Variants in ZNF3 observed in about 807,000 individuals in gnomAD.
ZNF3 encodes zinc finger protein 3.
A neutral mutation model predicts 36.9 loss-of-function variants in ZNF3; 16 were observed. That is an observed-to-expected ratio of 0.43 (90% CI 0.29 to 0.66). The LOEUF (loss-of-function observed/expected upper bound fraction) is 0.66. Among genes scored for constraint, ZNF3 ranks in the 30% least tolerant of loss-of-function variants. ZNF3 has a pLI of 0.13. For synonymous variants in ZNF3, 201 were observed against 201.9 expected (o/e 1.00, Z 0.04); for missense variants, 462 against 543.1 (o/e 0.85, Z 1.48).
chr7:100,076,319 G>A (rs1042454679), intron 3 of ZNF3, among the ~76,000 whole-genome samples: 5 of 149,712 alleles, frequency 3.3e-5, no homozygotes, highest in Admixed American at 6.7e-5. Context: ...TTGAGGTGGC[G>A]TCTCACTCTG....
exon 6 of ZNF3, chr7:100,064,109 A>T (rs746719758): frequency 6.2e-7 from 1 of 1,614,064 alleles, no homozygotes; most frequent in Admixed American, 1.7e-5. Context: ...GAGAAACCTT[A>T]CGTGTGCACC....
chr7:100,063,911 G>T, downstream of ZNF3: 1 of 1,614,164 alleles, frequency 6.2e-7, no homozygotes, highest in Non-Finnish European at 8.5e-7. Flanking sequence ...AGCTTAGAGA[G>T]GCAGTGCGTA....
Position 100,075,381 on chromosome 7 carries a change from G to A in ZNF3, c.145-120C>T. On this transcript the variant is annotated intron_variant, in intron 4 of 5. Transcript: ENST00000299667. ...TGGGAAGGGAGGAAGGGAGGACAGGGTGGAGGAAGAGAGACAGGAGTCCAA... is the reference window on the plus strand; with the variant it reads ...TGGGAAGGGAGGAAGGGAGGACAGGATGGAGGAAGAGAGACAGGAGTCCAA... 1.9e-6 allele frequency: 3 copies of A among 1,573,144 alleles called. No individual in the cohort carries two copies. The South Asian group carries it at 3.4e-5, about 18-fold the overall frequency.
chr7:100,068,271 C>T (rs1792745237), downstream of ZNF3, among the ~76,000 whole-genome samples: 1 of 151,974 alleles, frequency 6.6e-6, no homozygotes, highest in African/African-American at 2.4e-5. Context: ...TTAGTAGAGA[C>T]AGAGTTTTAC....
rs562070095 is a variant in ZNF3, at chr7:100,073,939, TGAG to T, written c.271+1193_271+1195del. Among the ~76,000 whole-genome samples, 22 of 151,992 alleles carry T rather than the reference TGAG, an allele frequency of 1.4e-4. 1 individual carries two copies. The South Asian group carries it at 4.6e-3, about 32-fold the overall frequency. On this transcript the variant is annotated intron_variant, in intron 5 of 5. Transcript: ENST00000299667. ...GGGAGGCCGAGGCAGGTGGATCACC[TGAG>T]GTCAGGAGTTCGAGACCAGCCTGAC...
Position 100,075,535 on chromosome 7 carries a change from A to G in ZNF3, c.144+7T>C. ...AAAGGAAAAGGATAAACGGAACCAC[A>G]GCTCACCTGGGACTTGGCCTTTAGG... On this transcript the variant is annotated splice_region_variant and intron_variant, in intron 4 of 5. Transcript: ENST00000299667. The G allele has an allele frequency of 6.2e-7, 1 of 1,614,096 alleles. No individual in the cohort carries two copies. The highest frequency in any genetic ancestry group is 8.5e-7 in the Non-Finnish European group (1 of 1,179,972).
exon 6 of ZNF3, chr7:100,064,860 A>T (rs764232095): frequency 8.1e-6 from 13 of 1,613,238 alleles, no homozygotes; most frequent in African/African-American, 1.3e-5. Context: ...TTAGGGTCCC[A>T]GTAAGCCATG....
downstream of ZNF3, chr7:100,065,127 T>C (rs183886385): frequency 3.7e-4 from 286 of 783,308 alleles, 1 homozygote; most frequent in African/African-American, 4.4e-3. Context: ...GTTTAGCTTT[T>C]AGAAAATTTG....
Position 100,070,268 on chromosome 7 carries a change from G to C in ZNF3, c.*875C>G. 4.1e-6 allele frequency: 4 copies of C among 985,558 alleles called. No individual in the cohort carries two copies. Among genetic ancestry groups the C allele is most frequent in the Non-Finnish European group, 4.8e-6 (4 of 830,058 alleles). 61.1% of individuals were successfully genotyped at this position (985,558 alleles called of 1,614,324 possible). On this transcript the variant is annotated 3_prime_UTR_variant, in exon 6 of 6. Transcript: ENST00000299667. ...AGGAGTGGTCTGGCTCCTGGGGCTG[G>C]GTGTCAGAGGTGAGAGGGCAGGGCA...
chr7:100,075,848 C>T (rs771698369), intron 3 of ZNF3, among the ~76,000 whole-genome samples: 1 of 152,164 alleles, frequency 6.6e-6, no homozygotes. Flanking sequence ...GGCCACAGGC[C>T]TGGTCATTCT....
Position 100,075,629 on chromosome 7 carries a change from A to T in ZNF3, c.57T>A (p.Ala19=). 7 of 1,614,050 alleles carry T rather than the reference A, an allele frequency of 4.3e-6. No homozygotes were observed. Among genetic ancestry groups the T allele is most frequent in the Non-Finnish European group, 5.9e-6 (7 of 1,179,964 alleles). The change falls in exon 4 of 6, where the codon GCT becomes GCA. Residue 19 remains alanine (A), a splice_region_variant and synonymous_variant. Transcript: ENST00000299667. The part of the protein sequence containing the change: ...SQEPQALLDS[A]LPSKVPAFSD... ...AAAAGGCAGGAACTTTTGAAGGAAGAGCTGAAGGGCAATAAAAGGGCCCAG... is the reference window on the plus strand; with the variant it reads ...AAAAGGCAGGAACTTTTGAAGGAAGTGCTGAAGGGCAATAAAAGGGCCCAG...
rs777771929 is a variant in ZNF3 at position 100,072,211 on chromosome 7, A to G, written c.273T>C (p.Asp91=). The G allele has an allele frequency of 4.5e-6, 7 of 1,568,676 alleles. No individual in the cohort carries two copies. Among genetic ancestry groups the G allele is most frequent in the Non-Finnish European group, 6.0e-6 (7 of 1,163,008 alleles). Residue 91 remains aspartate (D), a splice_region_variant and synonymous_variant, in exon 6 of 6, where the codon GAT becomes GAC. Coordinates refer to ENST00000299667, the MANE Select transcript of ZNF3 (RefSeq NM_032924.5). ...LENYGNVFSL[D]RETRTENDQE... ...GATCATTTTCAGTCCTGGTCTCACGATCTGACACAATAAAAAATGCAAATG... is the reference window on the plus strand; with the variant it reads ...GATCATTTTCAGTCCTGGTCTCACGGTCTGACACAATAAAAAATGCAAATG...
chr7:100,073,402 G>A (rs1431918478), intron 5 of ZNF3, among the ~76,000 whole-genome samples: 1 of 152,108 alleles, frequency 6.6e-6, no homozygotes, highest in Non-Finnish European at 1.5e-5. Flanking sequence ...AGGATGGAGT[G>A]CAGTGGCGTG....
chr7:100,068,159 T>C (rs1476060437), downstream of ZNF3, among the ~76,000 whole-genome samples: 2 of 152,062 alleles, frequency 1.3e-5, no homozygotes, highest in African/African-American at 4.8e-5. Flanking sequence ...TTATCTCAGC[T>C]CACTGCAACC....
chr7:100,082,210 A>G (rs1467820048), upstream of ZNF3: 1 of 152,228 alleles, frequency 6.6e-6, no homozygotes, highest in Admixed American at 6.5e-5. Flanking sequence ...TAAATTACCC[A>G]CATCTGAAGA....
At chr7:100,077,522 C>G in intron 2 of ZNF3, 89 bp from the exon 3 acceptor site, 1 of 1,273,664 alleles carries the variant, frequency 7.9e-7, no homozygotes, top group Non-Finnish European at 1.1e-6. Context: ...AGTGAGTACC[C>G]AGGAACAGTG....
At chr7:100,069,706 C>T (rs1323090985), downstream of ZNF3, among the ~76,000 whole-genome samples, 2 of 152,020 alleles carry the variant, frequency 1.3e-5, no homozygotes, top group African/African-American at 2.4e-5. Flanking sequence ...CTGCGCCTCC[C>T]GGGTTCAAGT....
intron 5 of ZNF3, among the ~76,000 whole-genome samples, chr7:100,074,663 G>A (rs2116353595): frequency 6.6e-6 from 1 of 152,284 alleles, no homozygotes; most frequent in South Asian, 2.1e-4. Flanking sequence ...GAATATATAT[G>A]AGAACTCTTT....
chr7:100,069,551 CAAA>C (rs57428777), downstream of ZNF3, among the ~76,000 whole-genome samples: 28,140 of 107,948 alleles, frequency 0.26, 3,224 homozygotes, highest in East Asian at 0.43. Flanking sequence ...GACTCTGTCT[CAAA>C]AAAAAAAAAA....
Sources: allele counts gnomAD v4.1 joint callset (sites outside exome capture counted in the v4.1 genomes callset), GRCh38; gene constraint gnomAD v4.1.1; transcripts MANE v1.5; gene names NCBI Gene and HGNC (gene_info 2026-07-23, HGNC 2026-07-21).